CPS1: variants seen among roughly 807,000 people sequenced by gnomAD.
The protein encoded by CPS1 is carbamoyl-phosphate synthase 1, also known as carbamoyl-phosphate synthase [ammonia], mitochondrial.
A neutral mutation model predicts 174.6 loss-of-function variants in CPS1; 109 were observed. That is an observed-to-expected ratio of 0.62 (90% CI 0.53 to 0.73). The LOEUF is 0.73. Among genes scored for constraint, CPS1 ranks in the 30% least tolerant of loss-of-function variants. The probability of loss-of-function intolerance (pLI) is 0.00; values close to 1 mark genes in which losing one functional copy is unlikely to be tolerated. For missense variants in CPS1, 1,689 were observed against 1,821.9 expected, an observed-to-expected ratio of 0.93 and a Z score of 1.33; for synonymous variants, 637 against 632.0, an observed-to-expected ratio of 1.01 and a Z score of -0.12.
At chr2:210,492,004 A>G (rs1056225559) in intron 1 of CPS1, among the ~76,000 whole-genome samples, 3 of 152,220 alleles carry the variant, frequency 2.0e-5, no homozygotes, top group African/African-American at 4.8e-5. Flanking sequence ...GGGAGTTGCT[A>G]GATAACCAGG....
At chr2:210,525,716 A>C (rs987268805) in intron 1 of CPS1, among the ~76,000 whole-genome samples, 1 of 151,358 alleles carries the variant, frequency 6.6e-6, no homozygotes, top group Non-Finnish European at 1.5e-5. Context: ...CTTGCAGGAG[A>C]GGATAGCTGG....
At chr2:210,573,888 A>C (rs913576711) in intron 2 of CPS1, among the ~76,000 whole-genome samples, 7 of 152,102 alleles carry the variant, frequency 4.6e-5, no homozygotes, top group Admixed American at 3.3e-4. Context: ...TCTAGTAAGA[A>C]AGTTGAAATA....
chr2:210,589,810 ATTTTTGTTTTATCT>A (rs1698224466), intron 7 of CPS1, among the ~76,000 whole-genome samples: 1 of 151,484 alleles, frequency 6.6e-6, no homozygotes, highest in South Asian at 2.1e-4. Context: ...TACCTGGCTA[ATTTTTGTTTTATCT>A]TTTTTGGTAG....
intron 1 of CPS1, among the ~76,000 whole-genome samples, chr2:210,503,502 C>A (rs1574473018): frequency 6.6e-6 from 1 of 152,140 alleles, no homozygotes; most frequent in African/African-American, 2.4e-5. Context: ...GTCTTTCTCT[C>A]TCTTACTCTT....
At chr2:210,575,485 G>A (rs1697665209) in intron 2 of CPS1, among the ~76,000 whole-genome samples, 1 of 148,818 alleles carries the variant, frequency 6.7e-6, no homozygotes, top group Non-Finnish European at 1.5e-5. Context: ...AAATATGTGT[G>A]TGTGTGTATA....
intron 23 of CPS1, 147 bp downstream of exon 23, chr2:210,639,362 C>G: frequency 1.5e-6 from 1 of 666,914 alleles, no homozygotes; most frequent in Non-Finnish European, 2.7e-6. Flanking sequence ...CCTGTAATCC[C>G]AGCACTTTGG....
chr2:210,550,968 T>G (rs1181179081), intron 1 of CPS1, among the ~76,000 whole-genome samples: 1 of 151,910 alleles, frequency 6.6e-6, no homozygotes, highest in Non-Finnish European at 1.5e-5. Flanking sequence ...AACATTGAGT[T>G]TCTTTTCTTA....
At chr2:210,664,102 G>A (rs1231611149) in intron 33 of CPS1, among the ~76,000 whole-genome samples, 6 of 152,128 alleles carry the variant, frequency 3.9e-5, no homozygotes, top group Admixed American at 3.3e-4. Flanking sequence ...TTTGTATTTG[G>A]ACTCTTAGAA....
intron 1 of CPS1, among the ~76,000 whole-genome samples, chr2:210,564,641 G>A (rs1697235812): frequency 6.6e-6 from 1 of 152,148 alleles, no homozygotes; most frequent in Non-Finnish European, 1.5e-5. Flanking sequence ...CTCCCAAAGT[G>A]CTGGGATTAC....
At chr2:210,509,754 A>G (rs976280864) in intron 1 of CPS1, among the ~76,000 whole-genome samples, 2 of 152,218 alleles carry the variant, frequency 1.3e-5, no homozygotes, top group Non-Finnish European at 2.9e-5. Context: ...AGAGAGCCAA[A>G]TCATGAGTGA....
intron 1 of CPS1, among the ~76,000 whole-genome samples, chr2:210,529,605 A>C (rs1333279793): frequency 6.6e-6 from 1 of 152,016 alleles, no homozygotes. Flanking sequence ...AAAAAGAAGA[A>C]CAAGTCTGGA....
In CPS1 at chr2:210,594,657, A is replaced by G. The variant is rs188058513; in HGVS notation, c.1263+51A>G. 5,252 of 1,333,502 alleles carry G rather than the reference A, an allele frequency of 3.9e-3. 22 individuals carry two copies. Among genetic ancestry groups the G allele is most frequent in the Middle Eastern group, 5.8e-3 (32 of 5,502 alleles). The allele number at this position is 1,333,502 out of a possible 1,614,324, so 82.6% of individuals were successfully genotyped here. A position where few individuals can be genotyped will look rare whatever the true frequency, so the allele number is the denominator to read the frequency against. On this transcript the variant is annotated intron_variant, in intron 12 of 37. Transcript: ENST00000233072. ...TTATGAATTTTGGATTGTCCCTATC[A>G]CATGAAGATTTTTAAAAACTAAGTG...
intron 1 of CPS1, among the ~76,000 whole-genome samples, chr2:210,541,571 G>A (rs1696433102): frequency 6.6e-6 from 1 of 152,166 alleles, no homozygotes; most frequent in Non-Finnish European, 1.5e-5. Flanking sequence ...AGCAATCAGT[G>A]AAATGCTGAT....
At chr2:210,585,893 TGA>T (rs1698091838) in intron 6 of CPS1, among the ~76,000 whole-genome samples, 1 of 151,680 alleles carries the variant, frequency 6.6e-6, no homozygotes, top group South Asian at 2.1e-4. Context: ...ACCTTGTCAT[TGA>T]GAGTCTTTAG....
At position 210,537,777 on chromosome 2, in the gene CPS1, G is replaced by A. The variant is rs556395270; in HGVS notation, c.4-18942G>A. Among the ~76,000 whole-genome samples, 47 of 152,172 alleles carry A rather than the reference G, an allele frequency of 3.1e-4. 1 individual carries two copies. In the South Asian group the frequency reaches 8.1e-3, roughly 26 times the overall value. ...GCATTTGTGCTTAGTCTGGCCTTGCGCAGAGGCTCGAGTAATTTGTTATCC... is the reference window on the plus strand; with the variant it reads ...GCATTTGTGCTTAGTCTGGCCTTGCACAGAGGCTCGAGTAATTTGTTATCC... On this transcript the variant is annotated intron_variant, in intron 1 of 38. Coordinates refer to the CPS1 transcript ENST00000430249.
intron 32 of CPS1, among the ~76,000 whole-genome samples, chr2:210,662,336 A>T (rs1700951477): frequency 1.3e-5 from 2 of 152,124 alleles, no homozygotes; most frequent in Admixed American, 6.5e-5. Context: ...GTATCAACAG[A>T]TGGGGAAATA....
chr2:210,543,540 CT>C (rs1204171169), intron 1 of CPS1, among the ~76,000 whole-genome samples: 1 of 152,088 alleles, frequency 6.6e-6, no homozygotes, highest in Non-Finnish European at 1.5e-5. Context: ...TTTCCTCGGA[CT>C]GTTTTAAGCA....
At chr2:210,595,092 T>C (rs1046413670) in intron 12 of CPS1, among the ~76,000 whole-genome samples, 1 of 151,886 alleles carries the variant, frequency 6.6e-6, no homozygotes, top group Non-Finnish European at 1.5e-5. Flanking sequence ...GTTAGTGTGA[T>C]AAAGTTTTTA....
At chr2:210,635,238 C>T (rs1409214867) in intron 21 of CPS1, among the ~76,000 whole-genome samples, 6 of 152,222 alleles carry the variant, frequency 3.9e-5, no homozygotes, top group East Asian at 1.9e-4. Context: ...CCACCACACC[C>T]GGCCAAGTTG....
Sources: gnomAD v4.1 joint callset for allele counts (sites outside exome capture counted in the v4.1 genomes callset) on GRCh38, gnomAD v4.1.1 for gene constraint, MANE v1.5 for transcripts, NCBI Gene and HGNC (gene_info 2026-07-23, HGNC 2026-07-21) for gene names.